Variants in CHST11 observed in about 807,000 individuals in gnomAD.
CHST11 encodes the protein carbohydrate sulfotransferase 11.
In CHST11, 9 loss-of-function variants were observed where a neutral mutation model predicts 30.4. That is an observed-to-expected ratio of 0.30 (90% confidence interval 0.18 to 0.52). CHST11 has a LOEUF of 0.52. Ranked by LOEUF, CHST11 falls within the 20% of genes least tolerant of loss-of-function variation. The pLI is 0.97. For synonymous variants in CHST11, 152 were observed against 187.8 expected, an observed-to-expected ratio of 0.81 and a Z score of 1.56; for missense variants, 348 against 460.6, an observed-to-expected ratio of 0.76 and a Z score of 2.24.
chr12:104,705,187 G>C (rs966455307), intron 2 of CHST11, among the ~76,000 whole-genome samples: 13 of 152,108 alleles, frequency 8.5e-5, no homozygotes, highest in African/African-American at 2.9e-4. Context: ...ATCTTGGTGT[G>C]GGTCACCTGG....
At chr12:104,677,213 G>T (rs1046710091) in intron 2 of CHST11, among the ~76,000 whole-genome samples, 2 of 152,182 alleles carry the variant, frequency 1.3e-5, no homozygotes, top group Non-Finnish European at 1.5e-5. Context: ...TAATGTTCCT[G>T]TAATAACAAA....
At chr12:104,735,876 T>A (rs1173723008) in intron 2 of CHST11, among the ~76,000 whole-genome samples, 9 of 152,160 alleles carry the variant, frequency 5.9e-5, no homozygotes, top group Non-Finnish European at 1.2e-4. Context: ...AGCCTCTGTT[T>A]TGGTCTGGAG....
chr12:104,638,730 C>T lies in CHST11; in HGVS notation c.204+36739C>T, dbSNP rs74996216. ...CCTGTGTTGCTTTGGCTGAAATCTC[C>T]GATGAATATGTGCAGCTTACCTAAA... is the stretch of plus-strand genomic sequence containing the variant. On this transcript the variant is annotated intron_variant, in intron 2 of 2. Transcript: ENST00000303694. 6.9e-3 allele frequency among the ~76,000 whole-genome samples: 1,046 copies of T among 152,290 alleles called. 13 individuals are homozygous for T. Among genetic ancestry groups the T allele is most frequent in the African/African-American group, 0.023 (968 of 41,554 alleles).
intron 2 of CHST11, among the ~76,000 whole-genome samples, chr12:104,655,223 G>C (rs2039532361): frequency 6.6e-6 from 1 of 152,260 alleles, no homozygotes; most frequent in South Asian, 2.1e-4. Context: ...CGACTTCGCA[G>C]AGCCTAGAGC....
chr12:104,734,267 G>T (rs899859816), intron 2 of CHST11, among the ~76,000 whole-genome samples: 4 of 152,206 alleles, frequency 2.6e-5, no homozygotes, highest in African/African-American at 9.7e-5. Context: ...ATAGTTGGAG[G>T]TACAGAGCTG....
At chr12:104,701,688 C>T (rs1454018943) in intron 2 of CHST11, among the ~76,000 whole-genome samples, 2 of 152,228 alleles carry the variant, frequency 1.3e-5, no homozygotes, top group African/African-American at 4.8e-5. Context: ...GAAAAAGTAT[C>T]TCTACCCCGG....
At chr12:104,708,280 T>C (rs181283199) in intron 2 of CHST11, among the ~76,000 whole-genome samples, 1 of 152,328 alleles carries the variant, frequency 6.6e-6, no homozygotes, top group Non-Finnish European at 1.5e-5. Flanking sequence ...TCACAGAGCC[T>C]GATTCGTCAC....
chr12:104,554,226 C>A (rs1038033881), intron 1 of CHST11, among the ~76,000 whole-genome samples: 1 of 152,092 alleles, frequency 6.6e-6, no homozygotes, highest in Non-Finnish European at 1.5e-5. Flanking sequence ...GCTGTGAATA[C>A]CAGGATTTGG....
At chr12:104,543,369 C>A (rs1013502551) in intron 1 of CHST11, among the ~76,000 whole-genome samples, 2 of 152,230 alleles carry the variant, frequency 1.3e-5, no homozygotes, top group Non-Finnish European at 2.9e-5. Context: ...ACAAACCATC[C>A]AAACTGTGTC....
At chr12:104,710,789 T>C (rs2040080952) in intron 2 of CHST11, among the ~76,000 whole-genome samples, 1 of 152,192 alleles carries the variant, frequency 6.6e-6, no homozygotes. Flanking sequence ...TCTCCCAGGC[T>C]TCTCCCATAG....
intron 2 of CHST11, among the ~76,000 whole-genome samples, chr12:104,679,453 G>A (rs1414916689): frequency 6.6e-6 from 1 of 152,178 alleles, no homozygotes; most frequent in Non-Finnish European, 1.5e-5. Flanking sequence ...CTGAGCCGCA[G>A]TCTCCCTTGA....
intron 2 of CHST11, among the ~76,000 whole-genome samples, chr12:104,683,938 G>T (rs1213680366): frequency 3.3e-5 from 5 of 152,156 alleles, no homozygotes. Flanking sequence ...AGCTAGAGAG[G>T]CCTGGAGTCC....
chr12:104,705,648 C>T (rs1283994317), intron 2 of CHST11, among the ~76,000 whole-genome samples: 1 of 152,166 alleles, frequency 6.6e-6, no homozygotes, highest in Non-Finnish European at 1.5e-5. Flanking sequence ...GGGCCAGGCG[C>T]GGTGGCTCAC....
Position 104,757,734 on chromosome 12 carries a change from G to T in CHST11, c.990G>T (p.Leu330=), listed in dbSNP as rs1344921048. 1 of 1,614,184 alleles carries T rather than the reference G, an allele frequency of 6.2e-7. No individual in the cohort carries two copies. Among genetic ancestry groups the T allele is most frequent in the Admixed American group, 1.7e-5 (1 of 60,024 alleles). Residue 330 remains leucine (L), a synonymous_variant, in exon 3 of 3, where the codon CTG becomes CTT. Transcript: ENST00000303694. The surrounding 1 kb of genome is among the most constrained non-coding windows in gnomAD (Gnocchi z 6.5). The part of the protein sequence containing the change: ...QNISSEHQTQ[L]YEVYKLDFLM... Reference sequence around the variant, plus strand: ...TCAGCTCAGAGCACCAAACGCAGCTGTACGAAGTCTACAAACTCGATTTTT... The same window carrying T: ...TCAGCTCAGAGCACCAAACGCAGCTTTACGAAGTCTACAAACTCGATTTTT...
intron 1 of CHST11, among the ~76,000 whole-genome samples, chr12:104,555,183 G>A (rs1007095603): frequency 1.3e-5 from 2 of 152,142 alleles, no homozygotes; most frequent in African/African-American, 2.4e-5. Context: ...GGTAGCAGTC[G>A]AGGTTGTGCA....
chr12:104,673,469 G>A (rs946614227), intron 2 of CHST11, among the ~76,000 whole-genome samples: 2 of 152,174 alleles, frequency 1.3e-5, no homozygotes, highest in Non-Finnish European at 1.5e-5. Flanking sequence ...TTGGGCCTCA[G>A]TTTCTTCACC....
intron 1 of CHST11, among the ~76,000 whole-genome samples, chr12:104,583,159 T>C (rs1295014964): frequency 6.6e-6 from 1 of 152,158 alleles, no homozygotes; most frequent in African/African-American, 2.4e-5. Flanking sequence ...ATGGTTTTCT[T>C]ACTTTCTGGA....
At chr12:104,501,739 G>A (rs2037855705) in intron 1 of CHST11, among the ~76,000 whole-genome samples, 1 of 152,182 alleles carries the variant, frequency 6.6e-6, no homozygotes, top group East Asian at 1.9e-4. Flanking sequence ...GCTCCTTCAG[G>A]TCCACCCACC....
intron 2 of CHST11, among the ~76,000 whole-genome samples, chr12:104,748,201 G>A (rs1283127613): frequency 1.3e-5 from 2 of 152,162 alleles, no homozygotes; most frequent in African/African-American, 2.4e-5. Flanking sequence ...AGCAGATGGC[G>A]AACCTGGGTT....
Sources: allele counts gnomAD v4.1 joint callset (sites outside exome capture counted in the v4.1 genomes callset), GRCh38; gene constraint gnomAD v4.1.1; non-coding constraint Gnocchi (gnomAD v3.1); transcripts MANE v1.5; gene names NCBI Gene and HGNC (gene_info 2026-07-23, HGNC 2026-07-21).